NAPB: variants seen among roughly 807,000 people sequenced by gnomAD.
NAPB encodes the protein NSF attachment protein beta.
NAPB carries 26 observed loss-of-function variants against 44.7 expected under a neutral mutation model. That is an observed-to-expected ratio of 0.58 (90% CI 0.43 to 0.81). NAPB has a LOEUF of 0.81. NAPB is among the 30% of genes least tolerant of loss of function. NAPB has a pLI of 0.00. For synonymous variants in NAPB, 120 were observed against 116.8 expected, an observed-to-expected ratio of 1.03 and a Z score of -0.18; for missense variants, 315 against 356.4, an observed-to-expected ratio of 0.88 and a Z score of 0.94.
At chr20:23,396,002 CA>C (rs1473488822) in intron 3 of NAPB, among the ~76,000 whole-genome samples, 1 of 152,218 alleles carries the variant, frequency 6.6e-6, no homozygotes, top group Admixed American at 6.5e-5. Flanking sequence ...ATCCCTGTTA[CA>C]CCTTTTAAAA....
At chr20:23,385,037 T>C (rs1221598888) in intron 7 of NAPB, among the ~76,000 whole-genome samples, 2 of 151,922 alleles carry the variant, frequency 1.3e-5, no homozygotes, top group Non-Finnish European at 2.9e-5. Context: ...GAGAATTACT[T>C]GAATCCAAGA....
chr20:23,399,648 T>C (rs1984679776), intron 2 of NAPB, among the ~76,000 whole-genome samples: 2 of 152,170 alleles, frequency 1.3e-5, no homozygotes, highest in African/African-American at 2.4e-5. Context: ...GCTGGCCCCT[T>C]GTGAATCATG....
At chr20:23,412,146 T>G (rs945017245) in intron 1 of NAPB, among the ~76,000 whole-genome samples, 1 of 152,194 alleles carries the variant, frequency 6.6e-6, no homozygotes, top group Non-Finnish European at 1.5e-5. Flanking sequence ...TGCTGCCTCT[T>G]TCTCCAAGTG....
chr20:23,396,260 T>C (rs973276651), intron 3 of NAPB, among the ~76,000 whole-genome samples: 7 of 152,234 alleles, frequency 4.6e-5, no homozygotes, highest in African/African-American at 1.4e-4. Context: ...AAAGTACTGA[T>C]GCATTACAAT....
chr20:23,416,589 C>T (rs936773595), intron 1 of NAPB, among the ~76,000 whole-genome samples: 3 of 151,666 alleles, frequency 2.0e-5, no homozygotes, highest in Admixed American at 6.6e-5. Context: ...ATATTTCTTA[C>T]GTATATTATA....
At chr20:23,417,040 G>A (rs541637477) in intron 1 of NAPB, among the ~76,000 whole-genome samples, 1 of 151,792 alleles carries the variant, frequency 6.6e-6, no homozygotes, top group Admixed American at 6.6e-5. Context: ...GAAAGGCAAA[G>A]GAAGACAGCA....
chr20:23,375,219 A>C lies in NAPB; in HGVS notation c.*2157T>G, dbSNP rs1049540796. ...AATTCTTAACCCCGGAACTGGTCCCAGTGTTTATTGCAATACAAACAAGTG... is the reference window on the plus strand; with the variant it reads ...AATTCTTAACCCCGGAACTGGTCCCCGTGTTTATTGCAATACAAACAAGTG... On this transcript the variant is annotated 3_prime_UTR_variant, in exon 11 of 11. Coordinates refer to ENST00000377026, the MANE Select transcript of NAPB (RefSeq NM_022080.3). The C allele has an allele frequency of 4.6e-5, 7 of 152,210 alleles. No homozygotes were observed. Among genetic ancestry groups the C allele is most frequent in the Non-Finnish European group, 8.8e-5 (6 of 68,044 alleles). The allele number at this position is 152,210 out of a possible 1,614,324, so 9.4% of individuals were successfully genotyped here. A position where few individuals can be genotyped will look rare whatever the true frequency, so the allele number is the denominator to read the frequency against.
chr20:23,402,933 C>G, intron 2 of NAPB, 60 bp downstream of exon 2: 2 of 1,308,528 alleles, frequency 1.5e-6, no homozygotes, highest in South Asian at 2.5e-5. Flanking sequence ...ACAGTCATTT[C>G]TCCCTTCAAA....
intron 5 of NAPB, among the ~76,000 whole-genome samples, chr20:23,393,950 C>G (rs1028970687): frequency 6.6e-6 from 1 of 152,132 alleles, no homozygotes; most frequent in African/African-American, 2.4e-5. Context: ...GTGTGCGGAA[C>G]AGCAAGGAGG....
In NAPB at chr20:23,421,442, G is replaced by A. The variant is rs1264945489; in HGVS notation, c.-40C>T. ...CCGCCACAGCCCCCTCAGCCGGCTC[G>A]CTGTGCGCCCAGGCGCCTTAACCCT... is the stretch of plus-strand genomic sequence containing the variant. On this transcript the variant is annotated 5_prime_UTR_variant, in exon 1 of 11. Coordinates refer to ENST00000377026, the MANE Select transcript of NAPB (RefSeq NM_022080.3). 9 of 1,524,116 alleles carry A rather than the reference G, an allele frequency of 5.9e-6. No homozygotes were observed. The highest frequency in any genetic ancestry group is 2.4e-5 in the South Asian group (2 of 82,890). 94.4% of individuals were successfully genotyped at this position (1,524,116 alleles called of 1,614,324 possible). A position where few individuals can be genotyped will look rare whatever the true frequency, so the allele number is the denominator to read the frequency against.
intron 1 of NAPB, among the ~76,000 whole-genome samples, chr20:23,409,407 T>G (rs749159701): frequency 2.9e-4 from 44 of 152,362 alleles, no homozygotes; most frequent in Non-Finnish European, 5.0e-4. Context: ...TTAGACTTTA[T>G]TTTGACAATA....
chr20:23,395,096 C>G (rs1260306781), intron 4 of NAPB, 43 bp downstream of exon 4: 1 of 1,613,850 alleles, frequency 6.2e-7, no homozygotes, highest in Non-Finnish European at 8.5e-7. Context: ...TAAGCCATCT[C>G]AAGACTCCAC....
chr20:23,420,547 G>T (rs984748925), intron 1 of NAPB, among the ~76,000 whole-genome samples: 2 of 151,992 alleles, frequency 1.3e-5, no homozygotes, highest in Non-Finnish European at 2.9e-5. Context: ...GGCGCCGGGG[G>T]CGGCCCCCGC....
At chr20:23,391,178 G>A (rs1179726003) in intron 5 of NAPB, among the ~76,000 whole-genome samples, 5 of 152,170 alleles carry the variant, frequency 3.3e-5, no homozygotes, top group Non-Finnish European at 7.3e-5. Flanking sequence ...CGGGCGTGGT[G>A]TGGGCACCCG....
At chr20:23,391,530 A>C (rs2123175468) in intron 5 of NAPB, among the ~76,000 whole-genome samples, 1 of 152,298 alleles carries the variant, frequency 6.6e-6, no homozygotes, top group South Asian at 2.1e-4. Flanking sequence ...AAATAACAAG[A>C]GATAAGTATG....
rs1355806918 is a variant in NAPB at position 23,379,503 on chromosome 20, C to A, written c.736-8G>T. ...ATGAGCTTCTAGGAGTTTCTGGTAG[C>A]ATAAAAATATTTTAAAAAACAGTTC... is the stretch of plus-strand genomic sequence containing the variant. On this transcript the variant is annotated splice_region_variant and splice_polypyrimidine_tract_variant and intron_variant, in intron 9 of 10. Coordinates refer to ENST00000377026, the MANE Select transcript of NAPB (RefSeq NM_022080.3). 3.1e-6 allele frequency: 5 copies of A among 1,600,654 alleles called. No individual in the cohort carries two copies. The highest frequency in any genetic ancestry group is 3.4e-6 in the Non-Finnish European group (4 of 1,174,438).
chr20:23,411,316 C>CA (rs1985638148), intron 1 of NAPB, among the ~76,000 whole-genome samples: 1 of 152,058 alleles, frequency 6.6e-6, no homozygotes, highest in African/African-American at 2.4e-5. Context: ...CATAAAAACT[C>CA]AAAGTTACTT....
chr20:23,401,199 T>C (rs1037372127), intron 2 of NAPB, among the ~76,000 whole-genome samples: 2 of 152,132 alleles, frequency 1.3e-5, no homozygotes, highest in African/African-American at 2.4e-5. Context: ...GGATAGTCTT[T>C]GAGGGCCACT....
chr20:23,398,854 A>ATTTTTTTTTTTT (rs34074566), intron 2 of NAPB, among the ~76,000 whole-genome samples: 1 of 90,426 alleles, frequency 1.1e-5, no homozygotes, highest in Non-Finnish European at 2.0e-5. Context: ...CAAAAAAAAA[A>ATTTTTTTTTTTT]TTTTTTTTTT....
Sources: gnomAD v4.1 joint callset for allele counts (sites outside exome capture counted in the v4.1 genomes callset) on GRCh38, gnomAD v4.1.1 for gene constraint, MANE v1.5 for transcripts, NCBI Gene and HGNC (gene_info 2026-07-23, HGNC 2026-07-21) for gene names.